Variants in MAP4K4 observed in about 807,000 individuals in gnomAD.
MAP4K4 encodes the protein mitogen-activated protein kinase kinase kinase kinase 4.
MAP4K4 carries 38 observed loss-of-function variants against 189.6 expected under a neutral mutation model. That is an observed-to-expected ratio of 0.20 (90% CI 0.15 to 0.26). The LOEUF (loss-of-function observed/expected upper bound fraction) is 0.26, where lower values mean the gene tolerates loss of function less well. Ranked by LOEUF, MAP4K4 falls within the 10% of genes least tolerant of loss-of-function variation. The pLI is 1.00. For missense variants in MAP4K4, 1,054 were observed against 1,726.9 expected, an observed-to-expected ratio of 0.61 and a Z score of 6.91; for synonymous variants, 610 against 624.3, an observed-to-expected ratio of 0.98 and a Z score of 0.34.
chr2:101,805,809 G>A (rs2094871434), intron 3 of MAP4K4, among the ~76,000 whole-genome samples: 1 of 152,194 alleles, frequency 6.6e-6, no homozygotes, highest in Non-Finnish European at 1.5e-5. Flanking sequence ...AGCTTTCCCA[G>A]CTGCTACAGG....
chr2:101,894,366 G>A (rs954616576), exon 33 of MAP4K4: 1 of 152,632 alleles, frequency 6.6e-6, no homozygotes, highest in African/African-American at 2.4e-5. Flanking sequence ...CACATGTTAC[G>A]TTGGAGAAAA....
At chr2:101,815,110 A>G (rs1007565736) in intron 3 of MAP4K4, among the ~76,000 whole-genome samples, 2 of 152,276 alleles carry the variant, frequency 1.3e-5, no homozygotes, top group African/African-American at 2.4e-5. Context: ...AGATCAAACA[A>G]AAATTACTTA....
intron 2 of MAP4K4, among the ~76,000 whole-genome samples, chr2:101,774,047 T>C (rs933042346): frequency 6.6e-6 from 1 of 150,970 alleles, no homozygotes; most frequent in African/African-American, 2.5e-5. Context: ...CTCTTTGATA[T>C]ACTGATTTCC....
At chr2:101,787,485 G>GCT (rs2091723429) in intron 2 of MAP4K4, among the ~76,000 whole-genome samples, 1 of 152,194 alleles carries the variant, frequency 6.6e-6, no homozygotes, top group Admixed American at 6.5e-5. Flanking sequence ...GGAGAGGTGT[G>GCT]CTAAGGGTCT....
chr2:101,888,711 A>C, intron 31 of MAP4K4, 85 bp from the exon 32 acceptor site: 1 of 1,010,882 alleles, frequency 9.9e-7, no homozygotes, highest in East Asian at 2.9e-5. Context: ...TAGAAGTATA[A>C]AAATATATTT....
intron 2 of MAP4K4, among the ~76,000 whole-genome samples, chr2:101,751,007 C>T (rs558645874): frequency 6.6e-6 from 1 of 152,250 alleles, no homozygotes; most frequent in South Asian, 2.1e-4. Context: ...GGCTCCACAG[C>T]CTGGGCACAA....
At chr2:101,699,219 C>T (rs1260834136) in intron 2 of MAP4K4, among the ~76,000 whole-genome samples, 2 of 152,184 alleles carry the variant, frequency 1.3e-5, no homozygotes, top group African/African-American at 4.8e-5. Flanking sequence ...AGAGGATGCC[C>T]TGGTTTACAC....
chr2:101,780,032 C>T (rs1437538645), intron 2 of MAP4K4, among the ~76,000 whole-genome samples: 2 of 152,178 alleles, frequency 1.3e-5, no homozygotes, highest in Non-Finnish European at 2.9e-5. Context: ...CCAGATTATA[C>T]TTGTTTTTAC....
intron 32 of MAP4K4, among the ~76,000 whole-genome samples, chr2:101,890,175 A>C (rs1274030466): frequency 2.0e-5 from 3 of 152,224 alleles, no homozygotes; most frequent in Non-Finnish European, 4.4e-5. Flanking sequence ...TAATTAATAC[A>C]TTTTTTGTTG....
chr2:101,759,558 C>G (rs1160756387), intron 2 of MAP4K4, among the ~76,000 whole-genome samples: 2 of 33,718 alleles, frequency 5.9e-5, no homozygotes, highest in Admixed American at 2.7e-4. Context: ...TCCCCTCTCC[C>G]CTCCCCATTC....
rs549373549 is a variant in MAP4K4, at chr2:101,829,736, G to A, written c.508+142G>A. 3 of 621,836 alleles carry A rather than the reference G, an allele frequency of 4.8e-6. No homozygotes were observed. The African/African-American group carries it at 5.5e-5, about 11-fold the overall frequency. 38.5% of individuals were successfully genotyped at this position (621,836 alleles called of 1,614,324 possible). A position where few individuals can be genotyped will look rare whatever the true frequency, so the allele number is the denominator to read the frequency against. On this transcript the variant is annotated intron_variant, in intron 6 of 32. Coordinates refer to ENST00000324219, the Ensembl canonical transcript of MAP4K4. ...TTCTTCTTAAGAATGTGGGAACTGA[G>A]CATATTACTTAGCTTGGCTCCAGCC...
intron 2 of MAP4K4, among the ~76,000 whole-genome samples, chr2:101,710,146 A>G (rs1445793448): frequency 1.3e-5 from 2 of 152,188 alleles, no homozygotes; most frequent in Non-Finnish European, 2.9e-5. Flanking sequence ...GCATCAAGGT[A>G]CTTAATAATT....
At chr2:101,743,444 T>G (rs1175148704) in intron 2 of MAP4K4, among the ~76,000 whole-genome samples, 1 of 151,926 alleles carries the variant, frequency 6.6e-6, no homozygotes, top group African/African-American at 2.4e-5. Context: ...AGGCCCTGAC[T>G]GTCAGTAACA....
chr2:101,894,162 A>G (rs78366414), exon 33 of MAP4K4: 3 of 152,914 alleles, frequency 2.0e-5, no homozygotes, highest in African/African-American at 7.2e-5. Flanking sequence ...CAATATGGCA[A>G]AATTACACAA....
At chr2:101,706,506 TG>T (rs1185872286) in intron 2 of MAP4K4, among the ~76,000 whole-genome samples, 1 of 152,252 alleles carries the variant, frequency 6.6e-6, no homozygotes, top group Non-Finnish European at 1.5e-5. Flanking sequence ...TAGTTTTCTT[TG>T]TACCTATCAT....
At chr2:101,698,380 T>C (rs2149088979) in intron 1 of MAP4K4, 93 bp from the exon 2 acceptor site, 3 of 1,223,878 alleles carry the variant, frequency 2.5e-6, no homozygotes, top group Non-Finnish European at 3.6e-6. Flanking sequence ...CCCACCTCTT[T>C]TGTCACCGCC....
chr2:101,867,251 A>T, exon 20 of MAP4K4: 1 of 1,607,458 alleles, frequency 6.2e-7, no homozygotes, highest in Non-Finnish European at 8.5e-7. Context: ...CAGCGCCTGG[A>T]AAATGCAGTG....
intron 32 of MAP4K4, among the ~76,000 whole-genome samples, chr2:101,890,023 T>C (rs574919421): frequency 3.3e-5 from 5 of 152,250 alleles, no homozygotes; most frequent in Admixed American, 6.5e-5. Flanking sequence ...TGTTGGCTTA[T>C]ACTTTCCTAA....
chr2:101,779,628 ATT>A (rs111914104), intron 2 of MAP4K4, among the ~76,000 whole-genome samples: 3 of 150,868 alleles, frequency 2.0e-5, no homozygotes, highest in Non-Finnish European at 4.4e-5. Flanking sequence ...TTCTATCTCC[ATT>A]TTTTTTTCTT....
Sources: gnomAD v4.1 joint callset for allele counts (sites outside exome capture counted in the v4.1 genomes callset) on GRCh38, gnomAD v4.1.1 for gene constraint, MANE v1.5 for transcripts, NCBI Gene and HGNC (gene_info 2026-07-23, HGNC 2026-07-21) for gene names.